The following BTAF1 variants were observed in gnomAD, a reference collection of about 807,000 sequenced individuals.
BTAF1 encodes TATA-binding protein-associated factor 172.
Under a neutral mutation model 227.1 loss-of-function variants are expected in BTAF1, and 38 were observed. The observed-to-expected ratio is 0.17, with a 90% CI of 0.13 to 0.22. The LOEUF (loss-of-function observed/expected upper bound fraction) is 0.22, where lower values mean the gene tolerates loss of function less well. Ranked by LOEUF, BTAF1 falls within the 10% of genes least tolerant of loss-of-function variation. The pLI is 1.00. For synonymous variants in BTAF1, 742 were observed against 751.9 expected, an observed-to-expected ratio of 0.99 and a Z score of 0.21; for missense variants, 1,598 against 2,204.0, an observed-to-expected ratio of 0.73 and a Z score of 5.51.
intron 34 of BTAF1, 135 bp from the exon 35 acceptor site, chr10:92,024,621 G>A (rs1373824654): frequency 8.2e-6 from 6 of 731,302 alleles, no homozygotes; most frequent in Non-Finnish European, 1.3e-5. Flanking sequence ...ACAGATTGCA[G>A]CCCAAAGTGC....
At chr10:91,950,563 T>C (rs1300152785) in intron 4 of BTAF1, among the ~76,000 whole-genome samples, 2 of 152,122 alleles carry the variant, frequency 1.3e-5, no homozygotes, top group African/African-American at 4.8e-5. Context: ...TGCCCTTTGG[T>C]ATGTTCTGTT....
At position 92,008,981 on chromosome 10, in the gene BTAF1, T is replaced by G. The variant is rs1356297348; in HGVS notation, c.3935+31T>G. 1.9e-6 allele frequency: 3 copies of G among 1,612,136 alleles called. No individual in the cohort carries two copies. The Admixed American group carries it at 5.0e-5, about 27-fold the overall frequency. ...TTAAGATGTTATTTTAAAATAAGGT[T>G]TCCGGATTTGGAGAAATGTAAACAA... On this transcript the variant is annotated intron_variant, in intron 27 of 37. Transcript: ENST00000265990.
intron 4 of BTAF1, among the ~76,000 whole-genome samples, chr10:91,950,266 TA>T (rs1845680539): frequency 6.6e-6 from 1 of 151,928 alleles, no homozygotes. Context: ...TTGTTTTTTG[TA>T]GCTTTTCGCT....
intron 28 of BTAF1, 144 bp downstream of exon 28, chr10:92,009,352 T>C (rs1850147376): frequency 4.5e-6 from 4 of 885,264 alleles, no homozygotes; most frequent in Admixed American, 5.8e-5. Flanking sequence ...GAATGTACTT[T>C]GGGAAGATAT....
chr10:92,002,239 G>T (rs1849598846), intron 25 of BTAF1, among the ~76,000 whole-genome samples: 1 of 152,090 alleles, frequency 6.6e-6, no homozygotes, highest in African/African-American at 2.4e-5. Context: ...GTTCATTCCT[G>T]TTCCTCTTTA....
At position 91,995,309 on chromosome 10, in the gene BTAF1, T is replaced by C. The variant is rs1248811855; in HGVS notation, c.3309+665T>C. ...GAATCTATGAGAGGGTGGAGAAGAA[T>C]GGATTTTTTTTTTTGTACATAGTAA... is the stretch of plus-strand genomic sequence containing the variant. On this transcript the variant is annotated intron_variant, in intron 23 of 37. Transcript: ENST00000265990. Among the ~76,000 whole-genome samples, 3 of 152,094 alleles carry C rather than the reference T, an allele frequency of 2.0e-5. No individual in the cohort carries two copies. The East Asian group carries it at 5.8e-4, about 29-fold the overall frequency.
chr10:91,967,431 T>A (rs922328391), intron 14 of BTAF1, among the ~76,000 whole-genome samples: 4 of 152,200 alleles, frequency 2.6e-5, no homozygotes, highest in Non-Finnish European at 5.9e-5. Flanking sequence ...AATTTAGTTT[T>A]CTAGTGTGCA....
At chr10:91,962,068 T>G (rs1247624213) in intron 11 of BTAF1, among the ~76,000 whole-genome samples, 1 of 152,244 alleles carries the variant, frequency 6.6e-6, no homozygotes, top group Admixed American at 6.5e-5. Flanking sequence ...CTATTGATGT[T>G]ACATTTTTGT....
chr10:92,000,815 A>T (rs548678863), intron 25 of BTAF1, among the ~76,000 whole-genome samples: 1 of 152,182 alleles, frequency 6.6e-6, no homozygotes, highest in Non-Finnish European at 1.5e-5. Flanking sequence ...CAGCCTCTCA[A>T]AGTGCTGGGA....
rs750225733 is a variant in BTAF1, at chr10:91,924,066, G to A, written c.-11G>A. The A allele has an allele frequency of 1.9e-6, 3 of 1,608,146 alleles. No individual in the cohort carries two copies. The highest frequency in any genetic ancestry group is 2.5e-6 in the Non-Finnish European group (3 of 1,178,324). ...AGGTCGCGGGGAGCTCCGAACCGCCGGCGCCCGGCCATGGCGGTCTCCAGG... is the reference window on the plus strand; with the variant it reads ...AGGTCGCGGGGAGCTCCGAACCGCCAGCGCCCGGCCATGGCGGTCTCCAGG... On this transcript the variant is annotated 5_prime_UTR_variant, in exon 1 of 38. Transcript: ENST00000265990.
chr10:91,940,445 C>T lies in BTAF1; in HGVS notation c.253+379C>T, dbSNP rs185016130. Among the ~76,000 whole-genome samples the T allele has an allele frequency of 2.7e-3, 415 of 151,986 alleles. 3 individuals carry two copies. The highest frequency in any genetic ancestry group is 9.4e-3 in the African/African-American group (392 of 41,488). The stretch of plus-strand genomic sequence containing the variant: ...GGTAGTTATTTTCTACATTTAAGCA[C>T]AATTATATATGGATATTTGGAATGT... On this transcript the variant is annotated intron_variant, in intron 3 of 37. Coordinates refer to ENST00000265990, the MANE Select transcript of BTAF1 (RefSeq NM_003972.3).
intron 19 of BTAF1, 70 bp downstream of exon 19, chr10:91,984,474 T>A (rs1488802140): frequency 4.8e-5 from 64 of 1,333,904 alleles, no homozygotes; most frequent in Non-Finnish European, 6.4e-5. Context: ...TGTCATGACA[T>A]GTTTATCACA....
intron 34 of BTAF1, among the ~76,000 whole-genome samples, chr10:92,019,697 A>T (rs1288955983): frequency 6.6e-6 from 1 of 152,300 alleles, no homozygotes; most frequent in South Asian, 2.1e-4. Context: ...TAGTCATCCT[A>T]CTAGGTATGA....
At chr10:91,976,265 T>C (rs1847683544) in intron 14 of BTAF1, among the ~76,000 whole-genome samples, 1 of 152,176 alleles carries the variant, frequency 6.6e-6, no homozygotes, top group African/African-American at 2.4e-5. Flanking sequence ...ATGTCTTCTT[T>C]AGGCATGCCA....
intron 4 of BTAF1, among the ~76,000 whole-genome samples, chr10:91,943,549 A>G (rs758667597): frequency 7.2e-5 from 11 of 152,168 alleles, no homozygotes; most frequent in Non-Finnish European, 1.0e-4. Context: ...TTATTAATAT[A>G]TTCACTTTTT....
Position 91,940,042 on chromosome 10 carries a change from A to T in BTAF1, c.229A>T (p.Asn77Tyr), listed in dbSNP as rs1176710978. The stretch of plus-strand genomic sequence containing the variant: ...TATAGTGAAAAATGTACCTGAGTGG[A>T]ATCCAGTGCCGAGAACCAGACAAGG... ...EAIVKNVPEW[N>Y]PVPRTRQEPT... The change falls in exon 3 of 38, where the codon AAT (asparagine) becomes TAT (tyrosine). Residue 77 changes from asparagine to tyrosine, a missense_variant. Asn to Tyr is a moderately radical substitution (Grantham distance 143). Around this residue, in one of 10 missense-constraint regions of BTAF1, gnomAD observed 298 missense variants for 395.2 expected, o/e 0.75. Coordinates refer to ENST00000265990, the MANE Select transcript of BTAF1 (RefSeq NM_003972.3). 6.2e-7 allele frequency: 1 copy of T among 1,611,982 alleles called. No individual in the cohort carries two copies. Among genetic ancestry groups the T allele is most frequent in the South Asian group, 1.1e-5 (1 of 90,804 alleles).
In BTAF1 at chr10:91,996,361, G is replaced by A. The variant is rs781777080; in HGVS notation, c.3310-8G>A. 6.8e-6 allele frequency: 11 copies of A among 1,611,878 alleles called. No homozygotes were observed. In the East Asian group the frequency reaches 2.5e-4, roughly 36 times the overall value. Reference sequence around the variant, plus strand: ...TAATTCTAATTGCCATTAACTTTTTGTTTTTAGTTGGTCCAGCATTTGCCA... The same window carrying A: ...TAATTCTAATTGCCATTAACTTTTTATTTTTAGTTGGTCCAGCATTTGCCA... On this transcript the variant is annotated splice_polypyrimidine_tract_variant and splice_region_variant and intron_variant, in intron 23 of 37. Coordinates refer to ENST00000265990, the MANE Select transcript of BTAF1 (RefSeq NM_003972.3).
chr10:91,939,871 G>C (rs1844875701), intron 2 of BTAF1, 81 bp from the exon 3 acceptor site: 5 of 830,028 alleles, frequency 6.0e-6, no homozygotes, highest in Non-Finnish European at 9.5e-6. Context: ...TTAATAACAA[G>C]TAAATTTGTA....
At chr10:92,001,644 C>A (rs1442316387) in intron 25 of BTAF1, among the ~76,000 whole-genome samples, 2 of 151,934 alleles carry the variant, frequency 1.3e-5, no homozygotes, top group African/African-American at 4.8e-5. Context: ...AAAAAAGCCT[C>A]AACATATTTA....
Sources: gnomAD v4.1 joint callset for allele counts (sites outside exome capture counted in the v4.1 genomes callset) on GRCh38, gnomAD v4.1.1 for gene constraint, gnomAD v4.1.1 regional missense constraint, MANE v1.5 for transcripts, NCBI Gene and HGNC (gene_info 2026-07-23, HGNC 2026-07-21) for gene names.